PTCHD4: variants seen among roughly 807,000 people sequenced by gnomAD.
PTCHD4 encodes patched domain-containing protein 4.
A neutral mutation model predicts 58.1 loss-of-function variants in PTCHD4; 33 were observed. The observed-to-expected ratio is 0.57, with a 90% CI of 0.43 to 0.76. PTCHD4 has a LOEUF of 0.76. PTCHD4 is among the 30% of genes least tolerant of loss of function. PTCHD4 has a pLI of 0.00. For synonymous variants in PTCHD4, 478 were observed against 409.6 expected, an observed-to-expected ratio of 1.17 and a Z score of -2.02; for missense variants, 1,058 against 1,027.1, an observed-to-expected ratio of 1.03 and a Z score of -0.41.
At chr6:48,094,052 A>C (rs1056021727) in intron 1 of PTCHD4, among the ~76,000 whole-genome samples, 5 of 152,228 alleles carry the variant, frequency 3.3e-5, no homozygotes, top group Admixed American at 2.0e-4. Flanking sequence ...CACATAGAAA[A>C]GAGGCATAGA....
chr6:47,947,873 C>G (rs1728029901), intron 4 of PTCHD4, among the ~76,000 whole-genome samples: 2 of 152,064 alleles, frequency 1.3e-5, no homozygotes, highest in African/African-American at 4.8e-5. Flanking sequence ...GCCATTGTTT[C>G]TGTTCTTTCC....
At chr6:47,976,371 C>T (rs1561986796) in intron 4 of PTCHD4, among the ~76,000 whole-genome samples, 1 of 152,092 alleles carries the variant, frequency 6.6e-6, no homozygotes, top group Non-Finnish European at 1.5e-5. Flanking sequence ...TATATAATTA[C>T]TGGCCAGGCG....
chr6:47,969,926 G>A (rs930896100), intron 4 of PTCHD4, among the ~76,000 whole-genome samples: 10 of 151,922 alleles, frequency 6.6e-5, no homozygotes, highest in Non-Finnish European at 8.8e-5. Context: ...ATCAAATACC[G>A]TCAAATATAA....
chr6:48,020,387 T>G (rs1763023540), intron 3 of PTCHD4, among the ~76,000 whole-genome samples: 1 of 152,276 alleles, frequency 6.6e-6, no homozygotes, highest in Admixed American at 6.5e-5. Context: ...TGGAAAAAAT[T>G]TACTTTCTAA....
At chr6:47,959,750 A>G (rs1767007528) in intron 4 of PTCHD4, among the ~76,000 whole-genome samples, 1 of 152,064 alleles carries the variant, frequency 6.6e-6, no homozygotes, top group Non-Finnish European at 1.5e-5. Flanking sequence ...AAGATAATGG[A>G]ACAACCTCTT....
chr6:47,892,925 G>A (rs1404025855), intron 4 of PTCHD4, among the ~76,000 whole-genome samples: 1 of 152,206 alleles, frequency 6.6e-6, no homozygotes, highest in Non-Finnish European at 1.5e-5. Context: ...GGAATGGGAT[G>A]ATTCTGATCA....
intron 3 of PTCHD4, among the ~76,000 whole-genome samples, chr6:48,056,229 C>T (rs1764399885): frequency 6.6e-6 from 1 of 152,150 alleles, no homozygotes; most frequent in African/African-American, 2.4e-5. Context: ...TTATAAAAGG[C>T]TACTTTCAAA....
intron 4 of PTCHD4, among the ~76,000 whole-genome samples, chr6:47,923,961 C>T (rs117859575): frequency 2.0e-5 from 3 of 152,248 alleles, no homozygotes; most frequent in East Asian, 3.9e-4. Context: ...ACATCACTCA[C>T]AAAATACGAA....
At chr6:48,048,340 A>G (rs1764111625) in intron 3 of PTCHD4, among the ~76,000 whole-genome samples, 1 of 151,964 alleles carries the variant, frequency 6.6e-6, no homozygotes, top group South Asian at 2.1e-4. Context: ...GTGGTTCCCC[A>G]TTTTCCATGA....
Position 47,942,892 on chromosome 6 carries a change from T to C in PTCHD4, c.899-62956A>G, listed in dbSNP as rs779349379. Among the ~76,000 whole-genome samples, 68 of 152,318 alleles carry C rather than the reference T, an allele frequency of 4.5e-4. 1 individual carries two copies. Among genetic ancestry groups the C allele is most frequent in the African/African-American group, 1.1e-3 (47 of 41,568 alleles). On this transcript the variant is annotated intron_variant, in intron 4 of 4. Coordinates refer to ENST00000339488, the MANE Select transcript of PTCHD4 (RefSeq NM_001384253.1). The stretch of plus-strand genomic sequence containing the variant: ...TCAGTTGAGAAATTCAGCAAGAATA[T>C]GTCAGGTAACCTAAAAAATATTTTT...
At chr6:48,017,859 G>C (rs1161847680) in intron 3 of PTCHD4, among the ~76,000 whole-genome samples, 2 of 152,148 alleles carry the variant, frequency 1.3e-5, no homozygotes, top group South Asian at 2.1e-4. Flanking sequence ...ATAACGTAAT[G>C]GTTATGTACA....
chr6:47,942,604 G>A (rs1419885133), intron 4 of PTCHD4, among the ~76,000 whole-genome samples: 2 of 152,136 alleles, frequency 1.3e-5, no homozygotes, highest in African/African-American at 4.8e-5. Flanking sequence ...TAAAAAAGCA[G>A]GTCTTTTCAG....
chr6:48,091,434 C>A (rs562140470), intron 1 of PTCHD4, among the ~76,000 whole-genome samples: 18 of 152,044 alleles, frequency 1.2e-4, no homozygotes, highest in African/African-American at 4.1e-4. Flanking sequence ...AGAATCTCTG[C>A]AAAATTAGAA....
chr6:48,062,478 C>T (rs1247829711), intron 3 of PTCHD4, among the ~76,000 whole-genome samples: 1 of 151,990 alleles, frequency 6.6e-6, no homozygotes, highest in Admixed American at 6.6e-5. Flanking sequence ...TTTTTTAACC[C>T]TCTTTTAATC....
chr6:47,859,007 C>T lies in PTCHD4; in HGVS notation c.*19296G>A, dbSNP rs1581790025. ...TGAATCATTAATGTGAGCTTGGAAA[C>T]AGCAGGTAGAAAACCAATAAATTAT... On this transcript the variant is annotated 3_prime_UTR_variant, in exon 5 of 5. Coordinates refer to ENST00000339488, the MANE Select transcript of PTCHD4 (RefSeq NM_001384253.1). 2.0e-5 allele frequency among the ~76,000 whole-genome samples: 3 copies of T among 152,004 alleles called. No homozygotes were observed. Among genetic ancestry groups the T allele is most frequent in the Admixed American group, 2.0e-4 (3 of 15,242 alleles).
rs187795725 is a variant in PTCHD4, at chr6:47,865,260, C to T, written c.*13043G>A. 8.6e-5 allele frequency among the ~76,000 whole-genome samples: 13 copies of T among 151,942 alleles called. No homozygotes were observed. The highest frequency in any genetic ancestry group is 2.0e-4 in the Admixed American group (3 of 15,236). ...ATGTTCCTAAGATATTCGTTTCTTCCTCTTTGACTCATCTTTTATTTACTG... is the reference window on the plus strand; with the variant it reads ...ATGTTCCTAAGATATTCGTTTCTTCTTCTTTGACTCATCTTTTATTTACTG... On this transcript the variant is annotated 3_prime_UTR_variant, in exon 5 of 5. Transcript: ENST00000339488.
chr6:47,986,566 T>C (rs955323715), intron 4 of PTCHD4, among the ~76,000 whole-genome samples: 1 of 152,102 alleles, frequency 6.6e-6, no homozygotes, highest in South Asian at 2.1e-4. Flanking sequence ...TCTTTTGATA[T>C]GGAGATATAT....
In PTCHD4 at chr6:47,873,679, G is replaced by C. The variant is rs9296586; in HGVS notation, c.*4624C>G. The stretch of plus-strand genomic sequence containing the variant: ...CTATCCTATATATCTGCAGCTCACT[G>C]ATTTAAAATATTAGCATAAAGGTCC... On this transcript the variant is annotated 3_prime_UTR_variant, in exon 5 of 5. Transcript: ENST00000339488. 0.52 allele frequency among the ~76,000 whole-genome samples: 77,996 copies of C among 151,308 alleles called. 20,696 individuals carry two copies. Among genetic ancestry groups the C allele is most frequent in the East Asian group, 0.75 (3,834 of 5,124 alleles).
intron 4 of PTCHD4, among the ~76,000 whole-genome samples, chr6:47,889,477 T>C (rs1471268840): frequency 6.6e-6 from 1 of 152,036 alleles, no homozygotes; most frequent in Non-Finnish European, 1.5e-5. Flanking sequence ...TGTCTGTTCA[T>C]GTCCTTCACC....
Sources: gnomAD v4.1 joint callset for allele counts (sites outside exome capture counted in the v4.1 genomes callset) on GRCh38, gnomAD v4.1.1 for gene constraint, MANE v1.5 for transcripts, NCBI Gene and HGNC (gene_info 2026-07-23, HGNC 2026-07-21) for gene names.